The following SMARCA4 variants were observed in gnomAD, a reference collection of about 807,000 sequenced individuals.
SMARCA4 encodes the protein SWI/SNF-related matrix-associated actin-dependent regulator of chromatin subfamily A member 4.
A neutral mutation model predicts 193.9 loss-of-function variants in SMARCA4; 31 were observed. The observed-to-expected ratio is 0.16, with a 90% CI of 0.12 to 0.22. SMARCA4 has a LOEUF of 0.22. SMARCA4 is among the 10% of genes least tolerant of loss of function. The probability of loss-of-function intolerance (pLI) is 1.00; values close to 1 mark genes in which losing one functional copy is unlikely to be tolerated. For missense variants in SMARCA4, 1,148 were observed against 2,296.0 expected (o/e 0.50, Z 10.22); for synonymous variants, 942 against 933.1 (o/e 1.01, Z -0.17).
At chr19:11,016,102 G>A (rs1366944093) in intron 16 of SMARCA4, 1 of 152,244 alleles carries the variant, frequency 6.6e-6, no homozygotes, top group African/African-American at 2.4e-5. Flanking sequence ...CACTCCTGGT[G>A]GAAGGCAAAG....
intron 18 of SMARCA4, 27 bp from the exon 19 acceptor site, chr19:11,021,698 C>T (rs1352186493): frequency 6.3e-7 from 1 of 1,592,984 alleles, no homozygotes; most frequent in Non-Finnish European, 8.5e-7. Context: ...TGCCCCCTGC[C>T]CTGATTGCCC....
chr19:11,010,253 G>T, intron 14 of SMARCA4, 128 bp from the exon 15 acceptor site: 2 of 1,060,800 alleles, frequency 1.9e-6, no homozygotes, highest in Admixed American at 3.4e-5. Flanking sequence ...GCACCTCTAT[G>T]TGTCTTACAG....
intron 11 of SMARCA4, among the ~76,000 whole-genome samples, chr19:10,997,383 A>G (rs2087173877): frequency 1.3e-5 from 2 of 151,940 alleles, no homozygotes; most frequent in Admixed American, 6.6e-5. Context: ...TGTTTTTAGT[A>G]GAGATGGGAT....
rs2074820662 is a variant in SMARCA4, at chr19:11,030,131, C to G, written c.3383-599C>G. 6.6e-6 allele frequency among the ~76,000 whole-genome samples: 1 copy of G among 152,186 alleles called. No individual in the cohort carries two copies. Among genetic ancestry groups the G allele is most frequent in the African/African-American group, 2.4e-5 (1 of 41,454 alleles). On this transcript the variant is annotated intron_variant, in intron 24 of 34. Coordinates refer to ENST00000344626, the MANE Select transcript of SMARCA4 (RefSeq NM_003072.5). The surrounding 1 kb of genome is among the most constrained non-coding windows in gnomAD (Gnocchi z 5.5). ...CAGGAGACCTGCTCTGGCTCCTTGACTTGGGTTTTCTGGGGCATGGGGACA... is the reference window on the plus strand; with the variant it reads ...CAGGAGACCTGCTCTGGCTCCTTGAGTTGGGTTTTCTGGGGCATGGGGACA...
At chr19:10,971,296 G>A (rs1296804091) in intron 1 of SMARCA4, among the ~76,000 whole-genome samples, 1 of 152,126 alleles carries the variant, frequency 6.6e-6, no homozygotes, top group Non-Finnish European at 1.5e-5. Flanking sequence ...CACAGTCCAG[G>A]GCCTTTGCAC....
chr19:10,987,809 C>A lies in SMARCA4; in HGVS notation c.1003C>A (p.Gln335Lys), dbSNP rs374054124. 2.5e-6 allele frequency: 4 copies of A among 1,604,282 alleles called. No individual in the cohort carries two copies. Among genetic ancestry groups the A allele is most frequent in the Non-Finnish European group, 2.6e-6 (3 of 1,176,196 alleles). The change falls in exon 6 of 35, where the codon CAG (glutamine) becomes AAG (lysine). Residue 335 changes from glutamine to lysine, a missense_variant. Coordinates refer to ENST00000344626, the MANE Select transcript of SMARCA4 (RefSeq NM_003072.5). The surrounding 1 kb of genome is among the most constrained non-coding windows in gnomAD (Gnocchi z 5.3). ...VMPPQTQSPGQPAQPAPMVPL... is the reference protein window; with the variant it reads ...VMPPQTQSPGKPAQPAPMVPL... ...GCCACCGCAGACCCAGTCCCCCGGG[C>A]AGCCGGCCCAGCCCGCGCCCATGGT...
intron 1 of SMARCA4, among the ~76,000 whole-genome samples, chr19:10,982,353 A>G (rs1039682112): frequency 6.6e-6 from 1 of 151,574 alleles, no homozygotes; most frequent in African/African-American, 2.4e-5. Context: ...GTGTGCTTGT[A>G]ATCCCAACTA....
In SMARCA4 at chr19:11,061,972, A is replaced by G. The variant is rs562899989; in HGVS notation, c.*156A>G. 8 of 743,624 alleles carry G rather than the reference A, an allele frequency of 1.1e-5. No individual in the cohort carries two copies. The highest frequency in any genetic ancestry group is 1.9e-5 in the Non-Finnish European group (8 of 423,910). The allele number at this position is 743,624 out of a possible 1,614,324, so 46.1% of individuals were successfully genotyped here. ...CATATTTATACAGCAGAGAAGCTGTAGGACTGTTTGTGACTGGCCCTGTCC... is the reference window on the plus strand; with the variant it reads ...CATATTTATACAGCAGAGAAGCTGTGGGACTGTTTGTGACTGGCCCTGTCC... On this transcript the variant is annotated 3_prime_UTR_variant, in exon 35 of 35. Coordinates refer to ENST00000344626, the MANE Select transcript of SMARCA4 (RefSeq NM_003072.5).
At position 11,021,764 on chromosome 19, in the gene SMARCA4, A is replaced by T; in HGVS notation, c.2656A>T (p.Met886Leu). The T allele has an allele frequency of 6.2e-7, 1 of 1,613,624 alleles. No homozygotes were observed. Among genetic ancestry groups the T allele is most frequent in the Non-Finnish European group, 8.5e-7 (1 of 1,179,988 alleles). Residue 886 changes from methionine to leucine, a missense_variant, in exon 19 of 35, where the codon ATG (methionine) becomes TTG (leucine). Physicochemically the swap from Met to Leu is conservative, Grantham distance 15. Around this residue, in one of 17 missense-constraint regions of SMARCA4, gnomAD observed 74 missense variants for 392.3 expected, o/e 0.19. Coordinates refer to ENST00000344626, the MANE Select transcript of SMARCA4 (RefSeq NM_003072.5). Reference sequence around the variant, plus strand: ...CATGATTGTGGACGAAGGTCACCGCATGAAGAACCACCACTGCAAGCTGAC... The same window carrying T: ...CATGATTGTGGACGAAGGTCACCGCTTGAAGAACCACCACTGCAAGCTGAC... The part of the protein sequence containing the change: ...KYMIVDEGHR[M>L]KNHHCKLTQV...
At chr19:11,028,731 G>A (rs540632398) in intron 24 of SMARCA4, among the ~76,000 whole-genome samples, 1 of 152,358 alleles carries the variant, frequency 6.6e-6, no homozygotes, top group South Asian at 2.1e-4. Flanking sequence ...GTGAGATGCC[G>A]ACAGGGCACG....
chr19:11,056,336 C>G (rs1321735782), intron 30 of SMARCA4: 2 of 152,250 alleles, frequency 1.3e-5, no homozygotes, highest in South Asian at 2.1e-4. Flanking sequence ...AAAAAGGAAG[C>G]CTGTGCCTCC....
At chr19:11,047,927 AG>A in intron 30 of SMARCA4, 1 of 152,352 alleles carries the variant, frequency 6.6e-6, no homozygotes, top group South Asian at 2.1e-4. Flanking sequence ...GGCAAAAGCC[AG>A]ACCTCATTTG....
Position 10,987,789 on chromosome 19 carries a change from C to T in SMARCA4, c.983C>T (p.Pro328Leu), listed in dbSNP as rs370097699. ...CCCGCCGCCTCGCCCGTGATGCCACCGCAGACCCAGTCCCCCGGGCAGCCG... is the reference window on the plus strand; with the variant it reads ...CCCGCCGCCTCGCCCGTGATGCCACTGCAGACCCAGTCCCCCGGGCAGCCG... ...VPPAASPVMP[P>L]QTQSPGQPAQ... Residue 328 changes from proline (P) to leucine (L), a missense_variant, in exon 6 of 35, where the codon CCG becomes CTG. Pro to Leu is a moderately conservative substitution (Grantham distance 98). Around this residue, in one of 17 missense-constraint regions of SMARCA4, gnomAD observed 257 missense variants for 276.5 expected, o/e 0.93. Coordinates refer to ENST00000344626, the MANE Select transcript of SMARCA4 (RefSeq NM_003072.5). This position sits in a 1 kb window ranked among gnomAD's most constrained non-coding sequence, Gnocchi z 5.3. 1.3e-5 allele frequency: 21 copies of T among 1,601,548 alleles called. No homozygotes were observed. Among genetic ancestry groups the T allele is most frequent in the East Asian group, 9.0e-5 (4 of 44,288 alleles).
intron 9 of SMARCA4, chr19:10,995,544 G>A (rs1045343398): frequency 6.6e-6 from 3 of 455,460 alleles, no homozygotes; most frequent in Admixed American, 2.4e-5. Context: ...GGACAGGGTA[G>A]TAAGTAAAAG....
intron 20 of SMARCA4, among the ~76,000 whole-genome samples, chr19:11,023,940 C>T (rs547317330): frequency 1.1e-4 from 16 of 152,362 alleles, no homozygotes; most frequent in African/African-American, 3.1e-4. Flanking sequence ...GGTTGCCCCC[C>T]GGCCCCCCAT....
In SMARCA4 at chr19:10,977,410, G is replaced by A. The variant is rs796373284; in HGVS notation, c.-31-6711G>A. On this transcript the variant is annotated intron_variant, in intron 1 of 34. Transcript: ENST00000344626. Reference sequence around the variant, plus strand: ...GTGATCTCGGCTCACTGCAGCCTCTGCCTCTCGGGTTCAATCAATTCTCCT... The same window carrying A: ...GTGATCTCGGCTCACTGCAGCCTCTACCTCTCGGGTTCAATCAATTCTCCT... Among the ~76,000 whole-genome samples, 147 of 150,252 alleles carry A rather than the reference G, an allele frequency of 9.8e-4. 1 individual carries two copies. The highest frequency in any genetic ancestry group is 3.3e-3 in the African/African-American group (133 of 40,798).
chr19:10,964,757 A>G (rs2084080610), intron 1 of SMARCA4, among the ~76,000 whole-genome samples: 2 of 151,952 alleles, frequency 1.3e-5, no homozygotes, highest in Admixed American at 6.6e-5. Context: ...GGATGGGACT[A>G]AGGACGTGCA....
rs1335988156 is a variant in SMARCA4, at chr19:10,998,895, C to CT, written c.1812+2367dup. On this transcript the variant is annotated intron_variant, in intron 11 of 34. Transcript: ENST00000344626. ...CTCTTTCTCCAGGGAGTCCTGGTTC[C>CT]TTTTTTTTTTTTTTTTGTCTGTCAA... Among the ~76,000 whole-genome samples the CT allele has an allele frequency of 3.5e-3, 489 of 138,440 alleles. 2 individuals carry two copies. The highest frequency in any genetic ancestry group is 7.7e-3 in the Admixed American group (106 of 13,748). 90.8% of individuals were successfully genotyped at this position (138,440 alleles called of 152,430 possible). A position where few individuals can be genotyped will look rare whatever the true frequency, so the allele number is the denominator to read the frequency against.
In SMARCA4 at chr19:11,019,064, G is replaced by T. The variant is rs902898934; in HGVS notation, c.2505+41G>T. 4 of 1,493,738 alleles carry T rather than the reference G, an allele frequency of 2.7e-6. No individual in the cohort carries two copies. Among genetic ancestry groups the T allele is most frequent in the Admixed American group, 3.3e-5 (2 of 59,866 alleles). 92.5% of individuals were successfully genotyped at this position (1,493,738 alleles called of 1,614,324 possible). A position where few individuals can be genotyped will look rare whatever the true frequency, so the allele number is the denominator to read the frequency against. On this transcript the variant is annotated intron_variant, in intron 17 of 34. Transcript: ENST00000344626. This position sits in a 1 kb window ranked among gnomAD's most constrained non-coding sequence, Gnocchi z 6.1. ...TGAGGTTTCCTCTCTTGCTACGGAG[G>T]TGCAGGCGGTGGTGGGCAGGACGTC...
Sources: allele counts gnomAD v4.1 joint callset (sites outside exome capture counted in the v4.1 genomes callset), GRCh38; gene constraint gnomAD v4.1.1; regional missense constraint gnomAD v4.1.1; non-coding constraint Gnocchi (gnomAD v3.1); transcripts MANE v1.5; gene names NCBI Gene and HGNC (gene_info 2026-07-23, HGNC 2026-07-21).